Variants in CUBN observed in about 807,000 individuals in gnomAD.
CUBN encodes 460 kDa receptor.
Under a neutral mutation model 405.3 loss-of-function variants are expected in CUBN, and 282 were observed. The ratio of observed to expected loss-of-function variants is 0.70; its 90% confidence interval spans 0.63 to 0.77. The LOEUF is 0.77. CUBN is among the 30% of genes least tolerant of loss of function. CUBN has a pLI of 0.00. For synonymous variants in CUBN, 1,684 were observed against 1,617.0 expected (o/e 1.04, Z -0.99); for missense variants, 4,514 against 4,475.2 (o/e 1.01, Z -0.25).
At chr10:16,837,789 G>C (rs1031154686) in intron 62 of CUBN, among the ~76,000 whole-genome samples, 1 of 152,136 alleles carries the variant, frequency 6.6e-6, no homozygotes, top group Non-Finnish European at 1.5e-5. Flanking sequence ...TACCTACCCA[G>C]TCCGAAACCC....
At chr10:16,901,681 C>G (rs533218119) in intron 51 of CUBN, among the ~76,000 whole-genome samples, 3 of 151,746 alleles carry the variant, frequency 2.0e-5, no homozygotes, top group Admixed American at 6.6e-5. Context: ...TGGTGAAACC[C>G]CATCTCAACT....
chr10:16,860,359 C>T (rs892352711), intron 59 of CUBN, among the ~76,000 whole-genome samples: 18 of 152,064 alleles, frequency 1.2e-4, no homozygotes, highest in African/African-American at 4.3e-4. Context: ...TATACTAAAT[C>T]AGAACAAGTA....
chr10:16,940,093 C>T lies in CUBN; in HGVS notation c.5487G>A (p.Trp1829Ter), dbSNP rs771857157. The change falls in exon 37 of 67, where the codon TGG becomes TGA. Residue 1829 changes from tryptophan to a stop codon, truncating the protein, a stop_gained. Coordinates refer to ENST00000377833, the MANE Select transcript of CUBN (RefSeq NM_001081.4). LOFTEE classifies it high-confidence loss of function. ...CAGAACCATCTGAGATAAATCTGAC[C>T]CACAGGGTATGTCCAACGATGGAAG... Reference protein sequence around the residue: ...NYSSIVGHTLWVRFISDGSGS... With the variant: ...NYSSIVGHTL 6.2e-7 allele frequency: 1 copy of T among 1,614,100 alleles called. No homozygotes were observed. The highest frequency in any genetic ancestry group is 8.5e-7 in the Non-Finnish European group (1 of 1,179,986).
chr10:16,954,460 T>C lies in CUBN; in HGVS notation c.4784A>G (p.Asn1595Ser). 3.7e-6 allele frequency: 6 copies of C among 1,614,096 alleles called. No homozygotes were observed. The highest frequency in any genetic ancestry group is 1.7e-4 in the Middle Eastern group (1 of 6,042). The change falls in exon 32 of 67, where the codon AAC becomes AGC. Residue 1595 changes from asparagine to serine, a missense_variant. Coordinates refer to ENST00000377833, the MANE Select transcript of CUBN (RefSeq NM_001081.4). ...AGACTGAAATCTCAAGAAGAGGCTG[T>C]TTCCTGAGGAGACGATGGGGTTAGC... ...QLANPIVSSG[N>S]SLFLRFQSGP... is the part of the protein sequence containing the mutation.
At chr10:16,986,972 C>T (rs761935958) in intron 29 of CUBN, among the ~76,000 whole-genome samples, 9 of 152,158 alleles carry the variant, frequency 5.9e-5, no homozygotes, top group Non-Finnish European at 1.3e-4. Flanking sequence ...GACCCAGAAG[C>T]CTCTAGAAGA....
Position 16,920,019 on chromosome 10 carries a change from C to A in CUBN, c.6765G>T (p.Pro2255=), listed in dbSNP as rs145355417. The A allele has an allele frequency of 8.1e-6, 13 of 1,613,712 alleles. No homozygotes were observed. In the East Asian group the frequency reaches 2.9e-4, roughly 36 times the overall value. The stretch of plus-strand genomic sequence containing the variant: ...CAAATTGCAGCTGTATGCGTGTTTC[C>A]GGTGGAGCCGCTAAGATCCAAATGC... The part of the protein sequence containing the change: ...ADCIWILAAP[P]ETRIQLQFED... Residue 2255 remains proline (P), a synonymous_variant, in exon 44 of 67, where the codon CCG becomes CCT. Coordinates refer to ENST00000377833, the MANE Select transcript of CUBN (RefSeq NM_001081.4).
intron 28 of CUBN, 73 bp downstream of exon 28, chr10:17,019,760 T>A: frequency 1.3e-6 from 2 of 1,577,562 alleles, no homozygotes; most frequent in East Asian, 4.5e-5. Context: ...GTTTCTAAGT[T>A]TGGAACTGAA....
At chr10:16,858,191 G>A (rs1055199311) in intron 59 of CUBN, among the ~76,000 whole-genome samples, 1 of 152,174 alleles carries the variant, frequency 6.6e-6, no homozygotes, top group Non-Finnish European at 1.5e-5. Flanking sequence ...TATGTTCATG[G>A]ATTGGAAAAC....
chr10:17,101,784 G>A (rs1428054866), intron 13 of CUBN, among the ~76,000 whole-genome samples: 1 of 152,116 alleles, frequency 6.6e-6, no homozygotes. Flanking sequence ...GTCACTGCAT[G>A]CCACTTTCGA....
At chr10:16,963,860 T>C (rs755900432) in intron 31 of CUBN, among the ~76,000 whole-genome samples, 1 of 152,206 alleles carries the variant, frequency 6.6e-6, no homozygotes, top group Non-Finnish European at 1.5e-5. Flanking sequence ...AAAATAATAT[T>C]TCATAGTGTG....
intron 59 of CUBN, among the ~76,000 whole-genome samples, chr10:16,860,142 T>C (rs1839973267): frequency 6.6e-6 from 1 of 151,836 alleles, no homozygotes; most frequent in South Asian, 2.1e-4. Flanking sequence ...CAAAAAGAAG[T>C]GGGACAAACA....
At position 16,984,182 on chromosome 10, in the gene CUBN, TC is replaced by T; in HGVS notation, c.4447del (p.Glu1483SerfsTer2). ...NPMQVSSTGN[E>X]LAIRFKTDLS... is the part of the protein sequence containing the mutation. ...GTCGGTCTTGAATCGAATTGCTAGC[TC>T]ATTTCCAGTGCTGGAGACCTGCATG... is the stretch of plus-strand genomic sequence containing the variant. On this transcript the variant is annotated frameshift_variant, in exon 30 of 67. Coordinates refer to ENST00000377833, the MANE Select transcript of CUBN (RefSeq NM_001081.4). LOFTEE classifies it high-confidence loss of function. 1 of 1,614,198 alleles carries T rather than the reference TC, an allele frequency of 6.2e-7. No homozygotes were observed. Among genetic ancestry groups the T allele is most frequent in the Non-Finnish European group, 8.5e-7 (1 of 1,180,028 alleles).
chr10:16,844,424 C>A (rs564890695), intron 60 of CUBN, among the ~76,000 whole-genome samples: 4 of 152,162 alleles, frequency 2.6e-5, no homozygotes, highest in Non-Finnish European at 4.4e-5. Context: ...GGTGAGAGAA[C>A]AGGAGAAATG....
At position 17,013,807 on chromosome 10, in the gene CUBN, A is replaced by G. The variant is rs191749643; in HGVS notation, c.4168+6026T>C. Among the ~76,000 whole-genome samples the G allele has an allele frequency of 5.8e-4, 88 of 152,336 alleles. 1 individual carries two copies. Among genetic ancestry groups the G allele is most frequent in the African/African-American group, 2.1e-3 (86 of 41,572 alleles). ...AAGAGGCTTACTTCAGTATGGTTACATCACTAACTATGGCACAACCTGCCT... is the reference window on the plus strand; with the variant it reads ...AAGAGGCTTACTTCAGTATGGTTACGTCACTAACTATGGCACAACCTGCCT... On this transcript the variant is annotated intron_variant, in intron 28 of 66. Transcript: ENST00000377833.
At chr10:17,079,314 CA>C (rs2131857599) in intron 17 of CUBN, among the ~76,000 whole-genome samples, 1 of 149,244 alleles carries the variant, frequency 6.7e-6, no homozygotes, top group African/African-American at 2.5e-5. Context: ...CAGCTCACTG[CA>C]ACCTCCACCT....
intron 14 of CUBN, 112 bp downstream of exon 14, chr10:17,099,893 T>G: frequency 5.9e-6 from 3 of 509,636 alleles, no homozygotes; most frequent in Non-Finnish European, 7.0e-6. Context: ...TATAAAAATA[T>G]TATATATCTT....
At chr10:16,923,653 A>G (rs1842100975) in intron 43 of CUBN, among the ~76,000 whole-genome samples, 1 of 152,222 alleles carries the variant, frequency 6.6e-6, no homozygotes, top group African/African-American at 2.4e-5. Context: ...AATGGCCATA[A>G]CCATACTTGC....
At position 16,880,135 on chromosome 10, in the gene CUBN, G is replaced by C. The variant is rs1840626957; in HGVS notation, c.8906-3038C>G. Among the ~76,000 whole-genome samples the C allele has an allele frequency of 2.0e-5, 3 of 152,154 alleles. No individual in the cohort carries two copies. The South Asian group carries it at 6.2e-4, about 32-fold the overall frequency. ...TTCCAGAATTAAAAACCAATGAATT[G>C]CTCCTTTGTGTTTAAACCAGGTTGA... On this transcript the variant is annotated intron_variant, in intron 56 of 66. Transcript: ENST00000377833.
At position 17,088,280 on chromosome 10, in the gene CUBN, G is replaced by C. The variant is rs1253642313; in HGVS notation, c.1831C>G (p.Pro611Ala). 1.2e-6 allele frequency: 2 copies of C among 1,613,138 alleles called. No homozygotes were observed. The highest frequency in any genetic ancestry group is 2.2e-5 in the East Asian group (1 of 44,874). Residue 611 changes from proline to alanine, a missense_variant, in exon 15 of 67, where the codon CCC (proline) becomes GCC (alanine). By Grantham distance (27) the Pro-to-Ala change is conservative. Around this residue, in one of 5 missense-constraint regions of CUBN, gnomAD observed 1,448 missense variants for 1,388.0 expected, o/e 1.04. Coordinates refer to ENST00000377833, the MANE Select transcript of CUBN (RefSeq NM_001081.4). ...ATCCAGACACAATCTCTTCCTGGGG[G>C]ATAGTTTCCAGGATACCCCGGAGAC... ...IKSPGYPGNY[P>A]PGRDCVWIVV...
Sources: gnomAD v4.1 joint callset for allele counts (sites outside exome capture counted in the v4.1 genomes callset) on GRCh38, gnomAD v4.1.1 for gene constraint, gnomAD v4.1.1 regional missense constraint, MANE v1.5 for transcripts, NCBI Gene and HGNC (gene_info 2026-07-23, HGNC 2026-07-21) for gene names.